CFAP100: variants seen among roughly 807,000 people sequenced by gnomAD.
CFAP100 encodes cilia and flagella associated protein 100.
Under a neutral mutation model 81.5 loss-of-function variants are expected in CFAP100, and 70 were observed. The ratio of observed to expected loss-of-function variants is 0.86; its 90% CI spans 0.71 to 1.05. The LOEUF is 1.05. Among genes scored for constraint, CFAP100 ranks in the 50% least tolerant of loss-of-function variants. The probability of loss-of-function intolerance (pLI) is 0.00; values close to 1 mark genes in which losing one functional copy is unlikely to be tolerated. For synonymous variants in CFAP100, 341 were observed against 314.8 expected (o/e 1.08, Z -0.88); for missense variants, 811 against 776.5 (o/e 1.04, Z -0.53).
Position 126,423,367 on chromosome 3 carries a change from C to T in CFAP100, c.1125C>T (p.Ser375=), listed in dbSNP as rs374653507. ...CCCCCACGCAGGAGGACACCGACAGCGATGGGGAGGTGAATGGCCCAGTGC... is the reference window on the plus strand; with the variant it reads ...CCCCCACGCAGGAGGACACCGACAGTGATGGGGAGGTGAATGGCCCAGTGC... The part of the protein sequence containing the change: ...PIPPTQEDTD[S]DGEEPQLYFT... Residue 375 remains serine (S), a synonymous_variant, in exon 12 of 17, where the codon AGC becomes AGT. Coordinates refer to ENST00000352312, the MANE Select transcript of CFAP100 (RefSeq NM_182628.3). 4.3e-6 allele frequency: 7 copies of T among 1,613,508 alleles called. No individual in the cohort carries two copies. Among genetic ancestry groups the T allele is most frequent in the South Asian group, 1.1e-5 (1 of 90,996 alleles).
chr3:126,418,764 G>T lies in CFAP100; in HGVS notation c.640G>T (p.Ala214Ser). Residue 214 changes from alanine (A) to serine (S), a missense_variant, in exon 7 of 17, where the codon GCC becomes TCC. By Grantham distance (99) the Ala-to-Ser change is moderately conservative. Transcript: ENST00000352312. ...VRENDCSSVQ[A>S]MRAAEKETKA... ...GGAGAATGACTGCAGCTCCGTGCAGGCCATGAGAGCGTGAGCCTGCGGGCC... is the reference window on the plus strand; with the variant it reads ...GGAGAATGACTGCAGCTCCGTGCAGTCCATGAGAGCGTGAGCCTGCGGGCC... 6.3e-7 allele frequency: 1 copy of T among 1,591,166 alleles called. No individual in the cohort carries two copies.
chr3:126,396,092 A>G lies in CFAP100; in HGVS notation c.49+43A>G, dbSNP rs202027952. On this transcript the variant is annotated intron_variant, in intron 2 of 16. Coordinates refer to ENST00000352312, the MANE Select transcript of CFAP100 (RefSeq NM_182628.3). ...GTGGGCACTCTCAGAGGTCAGGGGC[A>G]GCTTCGGAGCCTGTCCAGCTCCCTC... The G allele has an allele frequency of 7.0e-5, 104 of 1,493,150 alleles. No homozygotes were observed. In the East Asian group the frequency reaches 2.3e-3, roughly 33 times the overall value. The allele number at this position is 1,493,150 out of a possible 1,614,324, so 92.5% of individuals were successfully genotyped here.
intron 2 of CFAP100, among the ~76,000 whole-genome samples, chr3:126,404,963 C>T (rs536845482): frequency 6.6e-6 from 1 of 152,340 alleles, no homozygotes; most frequent in East Asian, 1.9e-4. Context: ...GCCACCACGC[C>T]CGGTCACAGA....
chr3:126,420,003 A>G lies in CFAP100; in HGVS notation c.937A>G (p.Ser313Gly). Residue 313 changes from serine (S) to glycine (G), a missense_variant, in exon 10 of 17, where the codon AGC becomes GGC. By Grantham distance (56) the Ser-to-Gly change is moderately conservative (BLOSUM62 0). Transcript: ENST00000352312. ...DKGPGIKGKA[S>G]SMWAKEGQGT... ...AGGACCAGGGATCAAGGGCAAGGCG[A>G]GCTCCATGTGGGCCAAAGGTGAGCT... 2 of 1,613,146 alleles carry G rather than the reference A, an allele frequency of 1.2e-6. No homozygotes were observed. Among genetic ancestry groups the G allele is most frequent in the Non-Finnish European group, 1.7e-6 (2 of 1,179,962 alleles).
rs1933296866 is a variant in CFAP100, at chr3:126,433,146, C to A, written c.1364C>A (p.Ala455Asp). ...MSITKEEDTAAELELKARVFH... is the reference protein window; with the variant it reads ...MSITKEEDTADELELKARVFH... ...ATCACCAAGGAGGAGGACACAGCAG[C>A]TGAGCTGGAGCTCAAAGCCCGAGTC... The change falls in exon 14 of 17, where the codon GCT (alanine) becomes GAT (aspartate). Residue 455 changes from alanine (A) to aspartate (D), a missense_variant. Coordinates refer to ENST00000352312, the MANE Select transcript of CFAP100 (RefSeq NM_182628.3). The A allele has an allele frequency of 6.2e-7, 1 of 1,614,090 alleles. No individual in the cohort carries two copies. The highest frequency in any genetic ancestry group is 1.3e-5 in the African/African-American group (1 of 74,936).
rs944050077 is a variant in CFAP100 at position 126,434,602 on chromosome 3, T to C, written c.1628+221T>C. 3.6e-5 allele frequency: 20 copies of C among 554,022 alleles called. No individual in the cohort carries two copies. The African/African-American group carries it at 3.8e-4, about 10-fold the overall frequency. The allele number at this position is 554,022 out of a possible 1,614,324, so 34.3% of individuals were successfully genotyped here. A position where few individuals can be genotyped will look rare whatever the true frequency, so the allele number is the denominator to read the frequency against. ...CCTAGAGCAAACGACAGTGACTCGA[T>C]GTGGCCAGGAGGCTCAGGGAGGGAC... On this transcript the variant is annotated intron_variant, in intron 15 of 16. Transcript: ENST00000352312.
intron 3 of CFAP100, among the ~76,000 whole-genome samples, chr3:126,412,086 G>T (rs2083167065): frequency 6.6e-6 from 1 of 152,148 alleles, no homozygotes; most frequent in African/African-American, 2.4e-5. Flanking sequence ...TGTCCTGGAG[G>T]TTTTGATAAC....
At chr3:126,400,905 T>C (rs945371888) in intron 2 of CFAP100, among the ~76,000 whole-genome samples, 1 of 152,250 alleles carries the variant, frequency 6.6e-6, no homozygotes, top group African/African-American at 2.4e-5. Flanking sequence ...AGCAGTGTTA[T>C]TCACAATAGC....
intron 2 of CFAP100, among the ~76,000 whole-genome samples, chr3:126,400,820 C>T (rs919712496): frequency 1.3e-5 from 2 of 152,136 alleles, no homozygotes; most frequent in African/African-American, 4.8e-5. Flanking sequence ...ACATATGATC[C>T]AGCAATTCTA....
intron 13 of CFAP100, among the ~76,000 whole-genome samples, chr3:126,424,188 G>A (rs570283574): frequency 6.3e-4 from 96 of 152,356 alleles, no homozygotes; most frequent in Non-Finnish European, 1.1e-3. Context: ...TAACGGGGAC[G>A]GGAGTGGGTG....
rs372126536 is a variant in CFAP100 at position 126,436,409 on chromosome 3, C to A, written c.*5C>A. ...CTGCTATTTTTCTTTACTTAATCTTCGCAGACCATAGCTGTTCTGGCTGAA... is the reference window on the plus strand; with the variant it reads ...CTGCTATTTTTCTTTACTTAATCTTAGCAGACCATAGCTGTTCTGGCTGAA... On this transcript the variant is annotated 3_prime_UTR_variant, in exon 17 of 17. Transcript: ENST00000352312. 1 of 1,604,238 alleles carries A rather than the reference C, an allele frequency of 6.2e-7. No individual in the cohort carries two copies. Among genetic ancestry groups the A allele is most frequent in the Non-Finnish European group, 8.5e-7 (1 of 1,171,668 alleles).
Position 126,436,545 on chromosome 3 carries a change from T to G in CFAP100, c.*141T>G. ...TCCCTTCCTCACCTGAATAAATTCA[T>G]GTCTCTCTGGAGTCTTGAAGGCCTG... On this transcript the variant is annotated 3_prime_UTR_variant, in exon 17 of 17. Transcript: ENST00000352312. 1 of 638,916 alleles carries G rather than the reference T, an allele frequency of 1.6e-6. No homozygotes were observed. The highest frequency in any genetic ancestry group is 2.8e-6 in the Non-Finnish European group (1 of 356,352). 39.6% of individuals were successfully genotyped at this position (638,916 alleles called of 1,614,324 possible).
At chr3:126,416,537 G>C in intron 5 of CFAP100, 29 bp downstream of exon 5, 1 of 1,507,742 alleles carries the variant, frequency 6.6e-7, no homozygotes, top group Admixed American at 2.2e-5. Context: ...GGGGGGACCT[G>C]GGCCAGTGGC....
intron 11 of CFAP100, chr3:126,420,810 A>G (rs1322222944): frequency 1.3e-5 from 2 of 152,676 alleles, no homozygotes; most frequent in East Asian, 3.9e-4. Context: ...TTATCAGGAC[A>G]TTTTCCTGAT....
intron 14 of CFAP100, chr3:126,433,443 G>C (rs892415566): frequency 4.7e-5 from 25 of 536,940 alleles, no homozygotes; most frequent in Non-Finnish European, 7.0e-5. Context: ...AAATGTGTCT[G>C]CTTCTTAAAC....
intron 13 of CFAP100, 65 bp downstream of exon 13, chr3:126,423,709 T>A: frequency 6.3e-7 from 1 of 1,589,912 alleles, no homozygotes; most frequent in Non-Finnish European, 8.6e-7. Flanking sequence ...CCCCTAGCAC[T>A]GGGAGCCAAG....
chr3:126,420,396 G>C (rs765223872), intron 11 of CFAP100, among the ~76,000 whole-genome samples, 167 bp downstream of exon 11: 3 of 152,272 alleles, frequency 2.0e-5, no homozygotes, highest in Non-Finnish European at 4.4e-5. Context: ...CCAGGAGGCA[G>C]AGGGAGTAGG....
Position 126,407,190 on chromosome 3 carries a change from T to C in CFAP100, c.68T>C (p.Met23Thr), listed in dbSNP as rs1576621651. Residue 23 changes from methionine (M) to threonine (T), a missense_variant, in exon 3 of 17, where the codon ATG becomes ACG. Met to Thr is a moderately conservative substitution (Grantham distance 81). Transcript: ENST00000352312. ...TCCTCAGAGAACAGCCTGGAATCCATGAACATCAGCTCTTCTTCAAGCACT... is the reference window on the plus strand; with the variant it reads ...TCCTCAGAGAACAGCCTGGAATCCACGAACATCAGCTCTTCTTCAAGCACT... ...MTNDKNSLES[M>T]NISSSSSTEE... The C allele has an allele frequency of 1.9e-6, 3 of 1,613,806 alleles. No homozygotes were observed. The highest frequency in any genetic ancestry group is 2.2e-5 in the South Asian group (2 of 91,062).
At chr3:126,431,870 T>G (rs1018103188) in intron 13 of CFAP100, among the ~76,000 whole-genome samples, 1 of 152,156 alleles carries the variant, frequency 6.6e-6, no homozygotes, top group Non-Finnish European at 1.5e-5. Context: ...TCAATAGGCA[T>G]GGGTCAAGGC....
Sources: allele counts gnomAD v4.1 joint callset (sites outside exome capture counted in the v4.1 genomes callset), GRCh38; gene constraint gnomAD v4.1.1; transcripts MANE v1.5; gene names NCBI Gene and HGNC (gene_info 2026-07-23, HGNC 2026-07-21).